PRKG1: variants seen among roughly 807,000 people sequenced by gnomAD.
The protein encoded by PRKG1 is cGMP-dependent protein kinase 1.
In PRKG1, 35 loss-of-function variants were observed where a neutral mutation model predicts 88.1. The observed-to-expected ratio is 0.40, with a 90% CI of 0.30 to 0.53. The LOEUF (loss-of-function observed/expected upper bound fraction) is 0.53. Ranked by LOEUF, PRKG1 falls within the 20% of genes least tolerant of loss-of-function variation. The pLI, the probability that PRKG1 is intolerant of heterozygous loss-of-function variation, is 0.59. For synonymous variants in PRKG1, 303 were observed against 292.5 expected (o/e 1.04, Z -0.37); for missense variants, 540 against 839.8 (o/e 0.64, Z 4.41).
intron 10 of PRKG1, among the ~76,000 whole-genome samples, chr10:52,257,122 T>G (rs1841327107): frequency 7.2e-6 from 1 of 139,350 alleles, no homozygotes; most frequent in African/African-American, 2.5e-5. Flanking sequence ...ATTCCTTCTC[T>G]GCTGCAGTTC....
At chr10:51,627,401 T>C (rs1040473125) in intron 3 of PRKG1, among the ~76,000 whole-genome samples, 1 of 152,164 alleles carries the variant, frequency 6.6e-6, no homozygotes, top group Non-Finnish European at 1.5e-5. Context: ...ATATAATACA[T>C]GCTTCAGGTT....
intron 2 of PRKG1, among the ~76,000 whole-genome samples, chr10:51,329,929 T>C (rs1252545270): frequency 7.1e-6 from 1 of 141,322 alleles, no homozygotes; most frequent in African/African-American, 2.7e-5. Context: ...CTTAGGGAAA[T>C]CTTTTTTTTT....
intron 3 of PRKG1, among the ~76,000 whole-genome samples, chr10:51,600,816 A>G (rs1458574317): frequency 6.6e-6 from 1 of 152,172 alleles, no homozygotes; most frequent in Non-Finnish European, 1.5e-5. Context: ...AAATTTAGTC[A>G]TACAACAAAG....
chr10:52,117,576 G>A (rs1285400063), intron 7 of PRKG1, among the ~76,000 whole-genome samples: 1 of 151,930 alleles, frequency 6.6e-6, no homozygotes, highest in Non-Finnish European at 1.5e-5. Context: ...GACCTCAGCA[G>A]CCTCTCTACT....
intron 4 of PRKG1, among the ~76,000 whole-genome samples, chr10:51,871,283 A>C (rs1260831141): frequency 6.6e-6 from 1 of 152,196 alleles, no homozygotes; most frequent in African/African-American, 2.4e-5. Context: ...CTGTTAGTAG[A>C]GTTTTAATAA....
chr10:51,898,449 T>G (rs1841903311), intron 4 of PRKG1, among the ~76,000 whole-genome samples: 1 of 152,176 alleles, frequency 6.6e-6, no homozygotes, highest in Non-Finnish European at 1.5e-5. Flanking sequence ...GAATCCTAAA[T>G]GCCTAAAACA....
chr10:51,698,512 A>C, intron 3 of PRKG1: 1 of 1,614,128 alleles, frequency 6.2e-7, no homozygotes, highest in East Asian at 2.2e-5. Context: ...CCACTTCTCC[A>C]GTGACTGAAA....
chr10:52,220,413 TTA>T (rs150890362), intron 9 of PRKG1, among the ~76,000 whole-genome samples: 46 of 151,024 alleles, frequency 3.0e-4, no homozygotes, highest in Middle Eastern at 3.4e-3. Flanking sequence ...ATGACATCTT[TTA>T]TATATATATA....
intron 6 of PRKG1, among the ~76,000 whole-genome samples, chr10:52,060,694 T>C (rs1179940407): frequency 5.3e-5 from 8 of 151,924 alleles, no homozygotes; most frequent in Non-Finnish European, 8.8e-5. Flanking sequence ...TGCATTTTCA[T>C]CCATTGATGG....
At chr10:52,008,699 G>C (rs1356543477) in intron 5 of PRKG1, among the ~76,000 whole-genome samples, 2 of 152,018 alleles carry the variant, frequency 1.3e-5, no homozygotes, top group Non-Finnish European at 2.9e-5. Context: ...ATAAAGAAGA[G>C]CTGGTTTTTA....
At chr10:51,025,579 T>C (rs1052215432) in intron 1 of PRKG1, among the ~76,000 whole-genome samples, 25 of 152,302 alleles carry the variant, frequency 1.6e-4, no homozygotes, top group African/African-American at 6.0e-4. Context: ...TCAGACCCTA[T>C]GCTGGTGTCC....
At chr10:52,083,239 T>C (rs1391814037) in intron 7 of PRKG1, among the ~76,000 whole-genome samples, 1 of 152,060 alleles carries the variant, frequency 6.6e-6, no homozygotes, top group Non-Finnish European at 1.5e-5. Context: ...AGGTACAACA[T>C]CGTTCTTTGC....
intron 9 of PRKG1, among the ~76,000 whole-genome samples, chr10:52,217,048 C>T (rs1408157658): frequency 6.6e-6 from 1 of 152,028 alleles, no homozygotes; most frequent in Non-Finnish European, 1.5e-5. Flanking sequence ...TGCGGAAAAA[C>T]AGCTGTTGTG....
chr10:51,556,176 G>A lies in PRKG1; in HGVS notation c.592+88340G>A, dbSNP rs112903119. Among the ~76,000 whole-genome samples the A allele has an allele frequency of 2.7e-3, 405 of 151,936 alleles. 5 individuals are homozygous for A. The highest frequency in any genetic ancestry group is 0.011 in the Admixed American group (164 of 15,210). On this transcript the variant is annotated intron_variant, in intron 3 of 17. Transcript: ENST00000373980. ...GTTTTTTTCTAATAATACCAAATATGAATAATTCCTATCATACATGAATAA... is the reference window on the plus strand; with the variant it reads ...GTTTTTTTCTAATAATACCAAATATAAATAATTCCTATCATACATGAATAA...
chr10:51,925,955 A>G (rs7068324), intron 5 of PRKG1, among the ~76,000 whole-genome samples: 59,285 of 152,012 alleles, frequency 0.39, 13,150 homozygotes, highest in African/African-American at 0.59. Flanking sequence ...AATATAAAAT[A>G]TAATCACCAT....
rs1298418487 is a variant in PRKG1, at chr10:52,072,743, A to G, written c.935+10112A>G. On this transcript the variant is annotated intron_variant, in intron 7 of 17. Transcript: ENST00000373980. ...ACCTCTTAAATAACTCTCAACTTCA[A>G]CTCTCAATCTGCTTCTCACCACCCT... Among the ~76,000 whole-genome samples the G allele has an allele frequency of 2.0e-5, 3 of 151,966 alleles. No homozygotes were observed. The East Asian group carries it at 5.8e-4, about 29-fold the overall frequency.
chr10:51,158,096 G>A (rs556098903), intron 2 of PRKG1, among the ~76,000 whole-genome samples: 2 of 151,934 alleles, frequency 1.3e-5, no homozygotes, highest in South Asian at 4.2e-4. Context: ...CAATCCTACA[G>A]AATACTAGAA....
intron 3 of PRKG1, among the ~76,000 whole-genome samples, chr10:51,485,343 C>A (rs1482755174): frequency 3.3e-5 from 5 of 152,118 alleles, no homozygotes; most frequent in Non-Finnish European, 5.9e-5. Context: ...GATTATCAAG[C>A]AAGGTTCCTA....
intron 2 of PRKG1, among the ~76,000 whole-genome samples, chr10:51,212,363 C>A (rs1215929367): frequency 2.0e-5 from 3 of 152,156 alleles, no homozygotes; most frequent in African/African-American, 7.2e-5. Flanking sequence ...CATAAAAACC[C>A]TAGAAGAAAA....
Sources: allele counts gnomAD v4.1 joint callset (sites outside exome capture counted in the v4.1 genomes callset), GRCh38; gene constraint gnomAD v4.1.1; transcripts MANE v1.5; gene names NCBI Gene and HGNC (gene_info 2026-07-23, HGNC 2026-07-21).